The following PCDH15 variants were observed in gnomAD, a reference collection of about 807,000 sequenced individuals.
The protein encoded by PCDH15 is protocadherin related 15.
Under a neutral mutation model 178.5 loss-of-function variants are expected in PCDH15, and 129 were observed. The ratio of observed to expected loss-of-function variants is 0.72; its 90% CI spans 0.63 to 0.84. The LOEUF is 0.84. Ranked by LOEUF, PCDH15 falls within the 40% of genes least tolerant of loss-of-function variation. The pLI, the probability that PCDH15 is intolerant of heterozygous loss-of-function variation, is 0.00. For missense variants in PCDH15, 2,230 were observed against 2,099.9 expected, an observed-to-expected ratio of 1.06 and a Z score of -1.21; for synonymous variants, 800 against 732.0, an observed-to-expected ratio of 1.09 and a Z score of -1.50.
rs1302998266 is a variant in PCDH15, at chr10:55,547,944, A to G, written c.-156+79681T>C. Among the ~76,000 whole-genome samples, 9 of 149,976 alleles carry G rather than the reference A, an allele frequency of 6.0e-5. No homozygotes were observed. In the Admixed American group the frequency reaches 6.0e-4, roughly 10 times the overall value. On this transcript the variant is annotated intron_variant, in intron 2 of 5. Coordinates refer to the PCDH15 transcript ENST00000613346. ...GAGAGAGAGAGAGAGAGAGAGAGAG[A>G]GAGAGAGACAGGGACAGAGAAACAG...
chr10:54,530,094 T>C (rs1004881604), intron 2 of PCDH15, among the ~76,000 whole-genome samples: 1 of 152,108 alleles, frequency 6.6e-6, no homozygotes, highest in Non-Finnish European at 1.5e-5. Flanking sequence ...TTTTTGAACC[T>C]TTTTACAGTT....
In PCDH15 at chr10:53,851,978, G is replaced by T. The variant is rs531547846; in HGVS notation, c.3806+5197C>A. 4.6e-5 allele frequency among the ~76,000 whole-genome samples: 7 copies of T among 151,740 alleles called. No homozygotes were observed. In the East Asian group the frequency reaches 1.2e-3, roughly 25 times the overall value. ...ATTTTATTCAGAAGGTAAGAGATGG[G>T]TTTGAGCAACTCTGAGAAATAAGTT... On this transcript the variant is annotated intron_variant, in intron 28 of 37. Coordinates refer to ENST00000644397, the MANE Select transcript of PCDH15 (RefSeq NM_001384140.1).
At chr10:54,345,349 A>T (rs983732411) in intron 6 of PCDH15, among the ~76,000 whole-genome samples, 12 of 152,136 alleles carry the variant, frequency 7.9e-5, no homozygotes, top group Middle Eastern at 3.2e-3. Flanking sequence ...AATGGTAAAA[A>T]TAAGGGCAAA....
chr10:55,346,479 G>T (rs1193909836), intron 2 of PCDH15, among the ~76,000 whole-genome samples: 3 of 151,996 alleles, frequency 2.0e-5, no homozygotes, highest in Admixed American at 6.6e-5. Flanking sequence ...GGGTTTATAT[G>T]GATCCAGCAA....
In PCDH15 at chr10:54,623,396, C is replaced by CT. The variant is rs201188389; in HGVS notation, c.91+40775dup. On this transcript the variant is annotated intron_variant, in intron 2 of 37. Coordinates refer to ENST00000644397, the MANE Select transcript of PCDH15 (RefSeq NM_001384140.1). ...AGTACTATTATTAATAATGAAAAGA[C>CT]TTTTTTTTAAAATTTGACTAACTTT... 5.2e-3 allele frequency among the ~76,000 whole-genome samples: 797 copies of CT among 151,884 alleles called. 10 individuals are homozygous for CT. The highest frequency in any genetic ancestry group is 6.8e-3 in the Middle Eastern group (2 of 292).
chr10:54,242,122 TTCTATTTTTATATATA>T (rs1201989377), intron 8 of PCDH15, among the ~76,000 whole-genome samples: 1 of 93,388 alleles, frequency 1.1e-5, no homozygotes, highest in African/African-American at 4.4e-5. Flanking sequence ...TTGGTCTGAA[TTCTATTTTTATATATA>T]TATATATATA....
At chr10:53,962,435 AT>A (rs1185052414) in intron 21 of PCDH15, among the ~76,000 whole-genome samples, 1 of 151,694 alleles carries the variant, frequency 6.6e-6, no homozygotes, top group African/African-American at 2.4e-5. Flanking sequence ...AAAAACAAAA[AT>A]TATTTACCAT....
intron 1 of PCDH15, among the ~76,000 whole-genome samples, chr10:54,673,817 A>C (rs1305168036): frequency 6.6e-6 from 1 of 152,186 alleles, no homozygotes; most frequent in Non-Finnish European, 1.5e-5. Flanking sequence ...GGGAAATACA[A>C]ACTGTCATTA....
chr10:54,849,744 C>A (rs140846587), intron 3 of PCDH15, among the ~76,000 whole-genome samples: 2 of 152,252 alleles, frequency 1.3e-5, no homozygotes, highest in African/African-American at 2.4e-5. Context: ...ATTACTTTTG[C>A]ACCAACCTAA....
At chr10:54,987,312 G>A (rs1839396230) in intron 2 of PCDH15, among the ~76,000 whole-genome samples, 1 of 152,152 alleles carries the variant, frequency 6.6e-6, no homozygotes, top group Non-Finnish European at 1.5e-5. Flanking sequence ...TGTGAAGAGT[G>A]CTGCAATAAA....
chr10:54,163,388 CT>C (rs1453699173), intron 13 of PCDH15, among the ~76,000 whole-genome samples: 1 of 150,592 alleles, frequency 6.6e-6, no homozygotes, highest in African/African-American at 2.5e-5. Flanking sequence ...AAGGAAGCAC[CT>C]TGTTCACATG....
intron 3 of PCDH15, among the ~76,000 whole-genome samples, chr10:54,392,422 T>G (rs2135335472): frequency 8.2e-6 from 1 of 121,750 alleles, no homozygotes; most frequent in African/African-American, 3.1e-5. Flanking sequence ...GGCTAGATTG[T>G]GCCACTGCAC....
intron 8 of PCDH15, among the ~76,000 whole-genome samples, chr10:54,304,900 T>C (rs1470084300): frequency 2.0e-5 from 3 of 151,934 alleles, no homozygotes; most frequent in South Asian, 2.1e-4. Context: ...AATATGTTAG[T>C]AAACAAAGTG....
At chr10:54,733,643 A>G (rs538440122) in intron 1 of PCDH15, among the ~76,000 whole-genome samples, 1 of 151,758 alleles carries the variant, frequency 6.6e-6, no homozygotes, top group African/African-American at 2.4e-5. Flanking sequence ...TATAATATCC[A>G]AAACATTTTG....
chr10:54,434,897 T>C (rs2075281158), intron 3 of PCDH15, among the ~76,000 whole-genome samples: 1 of 152,324 alleles, frequency 6.6e-6, no homozygotes, highest in East Asian at 1.9e-4. Flanking sequence ...TGACTTGGAG[T>C]ACCAGGTATA....
Position 54,966,202 on chromosome 10 carries a change from A to AT in PCDH15, c.-79-68703dup, listed in dbSNP as rs542975247. Among the ~76,000 whole-genome samples the AT allele has an allele frequency of 5.2e-3, 793 of 152,192 alleles. 4 individuals carry two copies. The highest frequency in any genetic ancestry group is 0.018 in the African/African-American group (757 of 41,554). On this transcript the variant is annotated intron_variant, in intron 2 of 5. Transcript: ENST00000458638. ...ATTACTAAGTAATTTTTTTAAAAAAATATTGTTTTCAGCATGGTAGGGAGA... is the reference window on the plus strand; with the variant it reads ...ATTACTAAGTAATTTTTTTAAAAAAATTATTGTTTTCAGCATGGTAGGGAGA...
At chr10:54,679,885 A>T (rs1163702474) in intron 1 of PCDH15, among the ~76,000 whole-genome samples, 2 of 152,200 alleles carry the variant, frequency 1.3e-5, no homozygotes, top group East Asian at 3.8e-4. Flanking sequence ...TAAACTTTTG[A>T]ATCTTGGGTA....
intron 26 of PCDH15, among the ~76,000 whole-genome samples, chr10:53,890,694 C>A (rs1363011073): frequency 6.6e-6 from 1 of 151,834 alleles, no homozygotes; most frequent in East Asian, 1.9e-4. Flanking sequence ...GATGGAGATG[C>A]CTAGTTTAGA....
At chr10:55,226,571 G>A (rs907918135) in intron 1 of PCDH15, among the ~76,000 whole-genome samples, 4 of 151,798 alleles carry the variant, frequency 2.6e-5, no homozygotes, top group Admixed American at 6.6e-5. Context: ...TAGTAGACAC[G>A]GGGTTTCATC....
Sources: allele counts gnomAD v4.1 joint callset (sites outside exome capture counted in the v4.1 genomes callset), GRCh38; gene constraint gnomAD v4.1.1; transcripts MANE v1.5; gene names NCBI Gene and HGNC (gene_info 2026-07-23, HGNC 2026-07-21).